The following GRIK2 variants were observed in gnomAD, a reference collection of about 807,000 sequenced individuals.
GRIK2 encodes glutamate ionotropic receptor kainate type subunit 2, also known as glutamate receptor ionotropic, kainate 2.
A neutral mutation model predicts 100.3 loss-of-function variants in GRIK2; 32 were observed. The observed-to-expected ratio is 0.32, with a 90% CI of 0.24 to 0.43. GRIK2 has a LOEUF of 0.43. Among genes scored for constraint, GRIK2 ranks in the 20% least tolerant of loss-of-function variants. The probability of loss-of-function intolerance (pLI) is 1.00; values close to 1 mark genes in which losing one functional copy is unlikely to be tolerated. For synonymous variants in GRIK2, 417 were observed against 389.4 expected (o/e 1.07, Z -0.83); for missense variants, 843 against 1,114.9 (o/e 0.76, Z 3.47).
At chr6:101,495,481 G>A (rs1266237722) in intron 2 of GRIK2, among the ~76,000 whole-genome samples, 1 of 152,050 alleles carries the variant, frequency 6.6e-6, no homozygotes, top group African/African-American at 2.4e-5. Context: ...ACTCTAGCCT[G>A]GGAGATAGAG....
Position 101,802,356 on chromosome 6 carries a change from G to T in GRIK2, c.1121G>T (p.Arg374Ile). 6.3e-7 allele frequency: 1 copy of T among 1,581,336 alleles called. No homozygotes were observed. The highest frequency in any genetic ancestry group is 8.6e-7 in the Non-Finnish European group (1 of 1,158,252). The change falls in exon 9 of 17, where the codon AGA becomes ATA. Residue 374 changes from arginine (R) to isoleucine (I), a missense_variant. By Grantham distance (97) the Arg-to-Ile change is moderately conservative (BLOSUM62 -3). Coordinates refer to ENST00000369134, the MANE Select transcript of GRIK2 (RefSeq NM_021956.5). ...GCACATTGGGAAGGCCTCACAGGCA[G>T]AATAACTTTCAACAAAACCAATGGC... is the stretch of plus-strand genomic sequence containing the variant. Reference protein sequence around the residue: ...KEAHWEGLTGRITFNKTNGLR... With the variant: ...KEAHWEGLTGIITFNKTNGLR...
intron 11 of GRIK2, among the ~76,000 whole-genome samples, chr6:101,863,410 C>T (rs111813050): frequency 2.6e-5 from 4 of 152,244 alleles, no homozygotes; most frequent in African/African-American, 9.6e-5. Context: ...GAGTTCTCTG[C>T]TGGGGCTGTA....
intron 2 of GRIK2, among the ~76,000 whole-genome samples, chr6:101,436,290 A>G (rs993014818): frequency 3.9e-5 from 6 of 152,218 alleles, no homozygotes; most frequent in Non-Finnish European, 5.9e-5. Flanking sequence ...AGGTTCATGT[A>G]TATTTTATTC....
At chr6:102,015,375 C>T (rs1041912730) in intron 14 of GRIK2, among the ~76,000 whole-genome samples, 5 of 152,116 alleles carry the variant, frequency 3.3e-5, no homozygotes, top group African/African-American at 7.2e-5. Flanking sequence ...ACCATTGGAT[C>T]TTGCTTCTTT....
At chr6:101,924,866 GC>G in intron 13 of GRIK2, 147 bp downstream of exon 13, 1 of 615,958 alleles carries the variant, frequency 1.6e-6, no homozygotes. Flanking sequence ...ATGCATTTAG[GC>G]CTTCTCAAAT....
At chr6:101,852,673 A>G (rs1784206389) in intron 10 of GRIK2, among the ~76,000 whole-genome samples, 1 of 152,186 alleles carries the variant, frequency 6.6e-6, no homozygotes, top group African/African-American at 2.4e-5. Flanking sequence ...GATAAATGCT[A>G]TGGTAAAAGT....
rs575766732 is a variant in GRIK2 at position 101,426,882 on chromosome 6, T to G, written c.115+27490T>G. Among the ~76,000 whole-genome samples, 13 of 152,310 alleles carry G rather than the reference T, an allele frequency of 8.5e-5. No homozygotes were observed. In the East Asian group the frequency reaches 2.5e-3, roughly 29 times the overall value. On this transcript the variant is annotated intron_variant, in intron 2 of 16. Coordinates refer to ENST00000369134, the MANE Select transcript of GRIK2 (RefSeq NM_021956.5). ...ACATAATCAGATTTTTAAGACCCCT[T>G]TCCAGCGGTCCTCTGTGCTCTAGAC... is the stretch of plus-strand genomic sequence containing the variant.
intron 2 of GRIK2, among the ~76,000 whole-genome samples, chr6:101,418,510 T>G (rs948044288): frequency 5.9e-5 from 9 of 152,202 alleles, no homozygotes; most frequent in African/African-American, 1.9e-4. Flanking sequence ...CTCTAAATGT[T>G]GCAAACGATT....
At chr6:101,786,605 C>A (rs113025642) in intron 7 of GRIK2, among the ~76,000 whole-genome samples, 2 of 152,014 alleles carry the variant, frequency 1.3e-5, no homozygotes, top group Non-Finnish European at 2.9e-5. Context: ...TTGTTTTATG[C>A]AGGTTGAACC....
At chr6:101,625,339 C>T (rs147019935) in intron 3 of GRIK2, among the ~76,000 whole-genome samples, 1,895 of 151,730 alleles carry the variant, frequency 0.012, 25 homozygotes, top group South Asian at 0.04. Context: ...CACCACTGCA[C>T]TCAAGCCTGG....
intron 10 of GRIK2, among the ~76,000 whole-genome samples, chr6:101,835,871 T>G: frequency 3.7e-5 from 1 of 26,872 alleles, no homozygotes; most frequent in South Asian, 1.2e-3. Context: ...GGACTTTTTT[T>G]CACCATACTC....
intron 2 of GRIK2, among the ~76,000 whole-genome samples, chr6:101,464,318 G>A (rs1025807984): frequency 6.6e-6 from 1 of 152,040 alleles, no homozygotes; most frequent in Non-Finnish European, 1.5e-5. Flanking sequence ...CAGCAGAGGT[G>A]CATGAAGCAG....
At chr6:101,776,507 A>G (rs1583126822) in intron 7 of GRIK2, among the ~76,000 whole-genome samples, 2 of 152,170 alleles carry the variant, frequency 1.3e-5, no homozygotes, top group East Asian at 3.9e-4. Context: ...TAGCCACAGG[A>G]TGCCTTAAAA....
intron 2 of GRIK2, among the ~76,000 whole-genome samples, chr6:101,424,095 T>G (rs991731127): frequency 2.0e-5 from 3 of 152,116 alleles, no homozygotes; most frequent in African/African-American, 7.2e-5. Context: ...AAACAGGAGA[T>G]TCAACTTGCA....
chr6:101,932,508 A>G (rs922299265), intron 14 of GRIK2, among the ~76,000 whole-genome samples: 1 of 151,784 alleles, frequency 6.6e-6, no homozygotes, highest in African/African-American at 2.4e-5. Context: ...TATTCCAGGG[A>G]AACTCTCCTG....
At chr6:101,923,897 C>G (rs1174410289) in intron 12 of GRIK2, among the ~76,000 whole-genome samples, 1 of 147,196 alleles carries the variant, frequency 6.8e-6, no homozygotes, top group Non-Finnish European at 1.5e-5. Flanking sequence ...CTCACTCCAG[C>G]CTGGGGGACA....
At chr6:101,595,212 C>A (rs931933457) in intron 2 of GRIK2, among the ~76,000 whole-genome samples, 1 of 151,354 alleles carries the variant, frequency 6.6e-6, no homozygotes, top group Non-Finnish European at 1.5e-5. Flanking sequence ...GGGAGGAAAA[C>A]AGGGAGAGAA....
At chr6:101,460,251 G>T (rs554432810) in intron 2 of GRIK2, among the ~76,000 whole-genome samples, 2 of 152,100 alleles carry the variant, frequency 1.3e-5, no homozygotes, top group African/African-American at 4.8e-5. Context: ...GTGTGTCATT[G>T]TATTTTCTCT....
chr6:101,687,192 G>A (rs936138205), intron 7 of GRIK2, among the ~76,000 whole-genome samples: 8 of 151,952 alleles, frequency 5.3e-5, no homozygotes, highest in Admixed American at 1.3e-4. Flanking sequence ...TCACATTTCA[G>A]TCATATTTAC....
Sources: gnomAD v4.1 joint callset for allele counts (sites outside exome capture counted in the v4.1 genomes callset) on GRCh38, gnomAD v4.1.1 for gene constraint, MANE v1.5 for transcripts, NCBI Gene and HGNC (gene_info 2026-07-23, HGNC 2026-07-21) for gene names.